MMP20: variants seen among roughly 807,000 people sequenced by gnomAD.
The protein encoded by MMP20 is matrix metalloproteinase-20.
MMP20 carries 50 observed loss-of-function variants against 51.8 expected under a neutral mutation model. The ratio of observed to expected loss-of-function variants is 0.97; its 90% confidence interval spans 0.77 to 1.22. MMP20 has a LOEUF of 1.22. MMP20 is among the 50% of genes most tolerant of loss of function. The pLI is 0.00. For missense variants in MMP20, 663 were observed against 601.4 expected, an observed-to-expected ratio of 1.10 and a Z score of -1.07; for synonymous variants, 244 against 216.2, an observed-to-expected ratio of 1.13 and a Z score of -1.13.
intron 6 of MMP20, among the ~76,000 whole-genome samples, chr11:102,603,843 C>T (rs964814039): frequency 1.3e-5 from 2 of 152,050 alleles, no homozygotes; most frequent in Admixed American, 1.3e-4. Flanking sequence ...TGTAGCAGGC[C>T]ATCTCTCCTG....
At chr11:102,621,626 T>C (rs1859751896) in intron 1 of MMP20, among the ~76,000 whole-genome samples, 1 of 152,244 alleles carries the variant, frequency 6.6e-6, no homozygotes, top group Non-Finnish European at 1.5e-5. Flanking sequence ...AATAATTGTT[T>C]AAATTAGCTT....
intron 6 of MMP20, among the ~76,000 whole-genome samples, chr11:102,599,977 C>T (rs1859426468): frequency 6.6e-6 from 1 of 152,188 alleles, no homozygotes; most frequent in African/African-American, 2.4e-5. Context: ...TAAGCCATAA[C>T]CTGTGAACAT....
intron 6 of MMP20, 93 bp downstream of exon 6, chr11:102,606,442 T>C: frequency 6.6e-7 from 1 of 1,516,886 alleles, no homozygotes; most frequent in South Asian, 1.2e-5. Context: ...TGCATGATCT[T>C]CATACAAGGC....
At chr11:102,591,719 A>G (rs1859319424) in intron 8 of MMP20, among the ~76,000 whole-genome samples, 1 of 152,214 alleles carries the variant, frequency 6.6e-6, no homozygotes, top group Non-Finnish European at 1.5e-5. Context: ...ACACTCACAG[A>G]GGCCCAGTTG....
intron 8 of MMP20, among the ~76,000 whole-genome samples, chr11:102,581,525 G>A (rs1185710579): frequency 6.6e-6 from 1 of 152,110 alleles, no homozygotes; most frequent in African/African-American, 2.4e-5. Context: ...CAGAAAAGGA[G>A]ATTATATGAT....
Position 102,591,634 on chromosome 11 carries a change from C to T in MMP20, c.1247+1805G>A, listed in dbSNP as rs74675136. Among the ~76,000 whole-genome samples, 1,249 of 152,236 alleles carry T rather than the reference C, an allele frequency of 8.2e-3. 11 individuals are homozygous for T. Among genetic ancestry groups the T allele is most frequent in the Middle Eastern group, 0.044 (13 of 294 alleles). The stretch of plus-strand genomic sequence containing the variant: ...TTAACCAGAAAAATGAGCTTGTTAA[C>T]ATTTTAGTTAATGCCCTAGACCAAC... On this transcript the variant is annotated intron_variant, in intron 8 of 9. Transcript: ENST00000260228.
chr11:102,585,389 A>G (rs1218801014), intron 8 of MMP20, among the ~76,000 whole-genome samples: 1 of 152,090 alleles, frequency 6.6e-6, no homozygotes, highest in Non-Finnish European at 1.5e-5. Context: ...TTGCTTTCTT[A>G]ATTTCATTTT....
chr11:102,581,147 T>C (rs1462361405), intron 8 of MMP20, among the ~76,000 whole-genome samples: 1 of 149,724 alleles, frequency 6.7e-6, no homozygotes, highest in East Asian at 1.9e-4. Flanking sequence ...TAAGAGACAA[T>C]TTACACACAC....
Position 102,579,139 on chromosome 11 carries a change from G to T in MMP20, c.1251C>A (p.Tyr417Ter). ...LFFVGDEYYS[Y>*]DERKRKMEKD... ...TTTCCATTTTCCTTTTCCTTTCGTC[G>T]TAGCTAGAAAAAGTATTATTTCATA... The change falls in exon 9 of 10, where the codon TAC becomes TAA. Residue 417 changes from tyrosine to a stop codon, truncating the protein, a stop_gained. Transcript: ENST00000260228. LOFTEE classifies it high-confidence loss of function. 1 of 1,604,904 alleles carries T rather than the reference G, an allele frequency of 6.2e-7. No homozygotes were observed. Among genetic ancestry groups the T allele is most frequent in the Non-Finnish European group, 8.5e-7 (1 of 1,172,144 alleles).
Position 102,593,438 on chromosome 11 carries a change from C to T in MMP20, c.1247+1G>A. 1.9e-6 allele frequency: 3 copies of T among 1,613,610 alleles called. No individual in the cohort carries two copies. The highest frequency in any genetic ancestry group is 2.5e-6 in the Non-Finnish European group (3 of 1,179,610). Reference sequence around the variant, plus strand: ...GATAGTAAAAAGGAAAAAAGCCATACCTGTAGTATTCATCTCCCACAAAGA... The same window carrying T: ...GATAGTAAAAAGGAAAAAAGCCATATCTGTAGTATTCATCTCCCACAAAGA... On this transcript the variant is annotated splice_donor_variant, in intron 8 of 9. Coordinates refer to ENST00000260228, the MANE Select transcript of MMP20 (RefSeq NM_004771.4). LOFTEE classifies it high-confidence loss of function.
At chr11:102,594,327 G>A (rs1050276636) in intron 7 of MMP20, among the ~76,000 whole-genome samples, 1 of 152,184 alleles carries the variant, frequency 6.6e-6, no homozygotes, top group Non-Finnish European at 1.5e-5. Context: ...CTGTCACTCT[G>A]AGCAGAGGTC....
In MMP20 at chr11:102,595,176, C is replaced by A. The variant is rs17174314; in HGVS notation, c.954-419G>T. ...TCCTGACCTCAAGTGACCCACCTGC[C>A]TCGGCCTCCCAAAGTGCTGGGATTA... On this transcript the variant is annotated intron_variant, in intron 6 of 9. Transcript: ENST00000260228. 8.1e-3 allele frequency among the ~76,000 whole-genome samples: 1,229 copies of A among 152,228 alleles called. 4 individuals are homozygous for A. Among genetic ancestry groups the A allele is most frequent in the South Asian group, 0.02 (98 of 4,822 alleles).
Position 102,594,632 on chromosome 11 carries a change from T to C in MMP20, c.1079A>G (p.Tyr360Cys), listed in dbSNP as rs1243404336. 1 of 1,613,806 alleles carries C rather than the reference T, an allele frequency of 6.2e-7. No individual in the cohort carries two copies. The change falls in exon 7 of 10, where the codon TAC (tyrosine) becomes TGC (cysteine). Residue 360 changes from tyrosine to cysteine, a missense_variant. Transcript: ENST00000260228. ...GATCTGTAGGGTACCTTTGAAGAAG[T>C]AAGCAGTGCCCCTCTCAGCCACTTC... ...AYEVAERGTAYFFKGPHYWIT... is the reference protein window; with the variant it reads ...AYEVAERGTACFFKGPHYWIT...
intron 5 of MMP20, among the ~76,000 whole-genome samples, chr11:102,608,405 T>C (rs1462690210): frequency 6.6e-6 from 1 of 152,198 alleles, no homozygotes; most frequent in African/African-American, 2.4e-5. Flanking sequence ...CTTAGGATAC[T>C]TACTGTCTTC....
intron 9 of MMP20, among the ~76,000 whole-genome samples, chr11:102,578,316 T>C (rs961590527): frequency 2.6e-5 from 4 of 152,070 alleles, no homozygotes; most frequent in Non-Finnish European, 5.9e-5. Context: ...GCTAACTTTT[T>C]TGTAGAGACA....
chr11:102,601,383 C>T (rs1287857772), intron 6 of MMP20, among the ~76,000 whole-genome samples: 1 of 37,386 alleles, frequency 2.7e-5, no homozygotes, highest in East Asian at 5.9e-4. Context: ...CCGCCCGCCT[C>T]GGCCTCCCAA....
At chr11:102,610,164 A>G in intron 3 of MMP20, 134 bp from the exon 4 acceptor site, 2 of 1,031,876 alleles carry the variant, frequency 1.9e-6, no homozygotes, top group Non-Finnish European at 2.9e-6. Flanking sequence ...ATTTGTTATA[A>G]TGGGAAGTTC....
At chr11:102,584,642 G>A (rs1339318939) in intron 8 of MMP20, among the ~76,000 whole-genome samples, 3 of 152,052 alleles carry the variant, frequency 2.0e-5, no homozygotes, top group African/African-American at 7.2e-5. Flanking sequence ...AATCCAACTT[G>A]TCCTTTTTTT....
At chr11:102,605,657 G>A (rs1591617628) in intron 6 of MMP20, among the ~76,000 whole-genome samples, 1 of 151,904 alleles carries the variant, frequency 6.6e-6, no homozygotes, top group Non-Finnish European at 1.5e-5. Flanking sequence ...TCTCATACAT[G>A]AGACTACACT....
Sources: allele counts gnomAD v4.1 joint callset (sites outside exome capture counted in the v4.1 genomes callset), GRCh38; gene constraint gnomAD v4.1.1; transcripts MANE v1.5; gene names NCBI Gene and HGNC (gene_info 2026-07-23, HGNC 2026-07-21).